The following ABHD13 variants were observed in gnomAD, a reference collection of about 807,000 sequenced individuals.
The protein encoded by ABHD13 is protein ABHD13.
A neutral mutation model predicts 25.2 loss-of-function variants in ABHD13; 7 were observed. That is an observed-to-expected ratio of 0.28 (90% CI 0.16 to 0.52). ABHD13 has a LOEUF of 0.52. Among genes scored for constraint, ABHD13 ranks in the 20% least tolerant of loss-of-function variants. The probability of loss-of-function intolerance (pLI) is 0.96; values close to 1 mark genes in which losing one functional copy is unlikely to be tolerated. For synonymous variants in ABHD13, 133 were observed against 136.1 expected, an observed-to-expected ratio of 0.98 and a Z score of 0.16; for missense variants, 302 against 402.7, an observed-to-expected ratio of 0.75 and a Z score of 2.14.
At chr13:108,222,068 G>C (rs1261025256) in intron 1 of ABHD13, among the ~76,000 whole-genome samples, 1 of 152,006 alleles carries the variant, frequency 6.6e-6, no homozygotes, top group South Asian at 2.1e-4. Context: ...TCAAACTCCT[G>C]AGCTCAGGCA....
chr13:108,222,118 G>A (rs1879581852), intron 1 of ABHD13, among the ~76,000 whole-genome samples: 2 of 152,154 alleles, frequency 1.3e-5, no homozygotes, highest in African/African-American at 4.8e-5. Context: ...AGGATTACAC[G>A]CATGAGCCAC....
At chr13:108,225,051 A>ATT (rs71204862) in intron 1 of ABHD13, among the ~76,000 whole-genome samples, 2 of 151,528 alleles carry the variant, frequency 1.3e-5, no homozygotes, top group African/African-American at 2.4e-5. Flanking sequence ...TCTAAGGTTG[A>ATT]TTTTTTTTTC....
chr13:108,219,739 C>T (rs577755300), intron 1 of ABHD13, among the ~76,000 whole-genome samples: 24 of 152,288 alleles, frequency 1.6e-4, no homozygotes, highest in South Asian at 6.2e-4. Context: ...AGGTTAATTA[C>T]GCTGTAATAG....
intron 1 of ABHD13, among the ~76,000 whole-genome samples, chr13:108,220,687 A>G (rs1390813408): frequency 1.3e-5 from 2 of 152,192 alleles, no homozygotes; most frequent in Non-Finnish European, 2.9e-5. Context: ...ATCCCTTGCA[A>G]AGATGTAGTA....
At chr13:108,222,145 TAC>T (rs1879582667) in intron 1 of ABHD13, among the ~76,000 whole-genome samples, 1 of 152,174 alleles carries the variant, frequency 6.6e-6, no homozygotes, top group African/African-American at 2.4e-5. Flanking sequence ...TGGCCCAATG[TAC>T]ACTTTTTAAT....
At position 108,229,744 on chromosome 13, in the gene ABHD13, G is replaced by T; in HGVS notation, c.526G>T (p.Val176Leu). 6.2e-7 allele frequency: 1 copy of T among 1,613,382 alleles called. No homozygotes were observed. The highest frequency in any genetic ancestry group is 1.1e-5 in the South Asian group (1 of 91,070). The change falls in exon 2 of 2, where the codon GTG (valine) becomes TTG (leucine). Residue 176 changes from valine to leucine, a missense_variant. Physicochemically the swap from Val to Leu is conservative, Grantham distance 32 (BLOSUM62 1). Coordinates refer to ENST00000375898, the MANE Select transcript of ABHD13 (RefSeq NM_032859.3). This position sits in a 1 kb window ranked among gnomAD's most constrained non-coding sequence, Gnocchi z 4.7. ...AGATTCTGAAGCTGTGTTAGACTAC[G>T]TGATGACTAGACCTGACCTTGATAA... ...YLDSEAVLDY[V>L]MTRPDLDKTK...
In ABHD13 at chr13:108,232,368, G is replaced by C. The variant is rs1439364276; in HGVS notation, c.*2136G>C. 1.2e-5 allele frequency: 2 copies of C among 166,890 alleles called. No homozygotes were observed. The highest frequency in any genetic ancestry group is 2.9e-5 in the Non-Finnish European group (2 of 68,014). 10.3% of individuals were successfully genotyped at this position (166,890 alleles called of 1,614,324 possible). A position where few individuals can be genotyped will look rare whatever the true frequency, so the allele number is the denominator to read the frequency against. ...GGGTTAAGGAGCCTTTCTTTCTGCA[G>C]CTAAGGGCAGAGGCTGTGCCTAGGG... On this transcript the variant is annotated 3_prime_UTR_variant, in exon 2 of 2. Transcript: ENST00000375898.
In ABHD13 at chr13:108,229,441, C is replaced by T. The variant is rs777901033; in HGVS notation, c.223C>T (p.Arg75Cys). The T allele has an allele frequency of 2.5e-6, 4 of 1,613,208 alleles. No homozygotes were observed. In the Admixed American group the frequency reaches 5.0e-5, roughly 20 times the overall value. ...TTTTCCAGAACAGCCATCCTCTTCA[C>T]GTCTTTATGTTCCCATGCCCACTGG... Reference protein sequence around the residue: ...LYFPEQPSSSRLYVPMPTGIP... With the variant: ...LYFPEQPSSSCLYVPMPTGIP... The change falls in exon 2 of 2, where the codon CGT becomes TGT. Residue 75 changes from arginine (R) to cysteine (C), a missense_variant. Transcript: ENST00000375898. This position sits in a 1 kb window ranked among gnomAD's most constrained non-coding sequence, Gnocchi z 4.7.
At position 108,230,246 on chromosome 13, in the gene ABHD13, G is replaced by T; in HGVS notation, c.*14G>T. On this transcript the variant is annotated 3_prime_UTR_variant, in exon 2 of 2. Transcript: ENST00000375898. ...ACAATTATATAATGTTTCCCTTTTTGATTATTGCATTGTATTTTAATTTGT... is the reference window on the plus strand; with the variant it reads ...ACAATTATATAATGTTTCCCTTTTTTATTATTGCATTGTATTTTAATTTGT... 6.5e-7 allele frequency: 1 copy of T among 1,540,426 alleles called. No individual in the cohort carries two copies. Among genetic ancestry groups the T allele is most frequent in the South Asian group, 1.2e-5 (1 of 81,260 alleles).
rs1424925355 is a variant in ABHD13 at position 108,230,958 on chromosome 13, T to C, written c.*726T>C. The C allele has an allele frequency of 6.0e-6, 1 of 166,798 alleles. No homozygotes were observed. The highest frequency in any genetic ancestry group is 2.4e-5 in the African/African-American group (1 of 41,420). The allele number at this position is 166,798 out of a possible 1,614,324, so 10.3% of individuals were successfully genotyped here. A position where few individuals can be genotyped will look rare whatever the true frequency, so the allele number is the denominator to read the frequency against. ...TAGGTACAGTCTGGATCATGGCATGTAGAAATAGAAATTTAGAATTTTACT... is the reference window on the plus strand; with the variant it reads ...TAGGTACAGTCTGGATCATGGCATGCAGAAATAGAAATTTAGAATTTTACT... On this transcript the variant is annotated 3_prime_UTR_variant, in exon 2 of 2. Coordinates refer to ENST00000375898, the MANE Select transcript of ABHD13 (RefSeq NM_032859.3).
intron 1 of ABHD13, among the ~76,000 whole-genome samples, chr13:108,221,781 A>G (rs1385959155): frequency 3.3e-5 from 5 of 152,156 alleles, no homozygotes; most frequent in Non-Finnish European, 7.3e-5. Context: ...TGTATTTTTA[A>G]AAGACCATTT....
rs1424169798 is a variant in ABHD13, at chr13:108,231,982, G to C, written c.*1750G>C. 1.2e-5 allele frequency: 2 copies of C among 166,698 alleles called. No homozygotes were observed. Among genetic ancestry groups the C allele is most frequent in the African/African-American group, 2.4e-5 (1 of 41,376 alleles). 10.3% of individuals were successfully genotyped at this position (166,698 alleles called of 1,614,324 possible). On this transcript the variant is annotated 3_prime_UTR_variant, in exon 2 of 2. Transcript: ENST00000375898. ...TTCACCACAATTAAAGATTATTCTT[G>C]TCAGTCCTTGCTATGTAGAATGACT... is the stretch of plus-strand genomic sequence containing the variant.
rs1036706064 is a variant in ABHD13 at position 108,232,690 on chromosome 13, G to A, written c.*2458G>A. The A allele has an allele frequency of 6.0e-6, 1 of 166,744 alleles. No homozygotes were observed. Among genetic ancestry groups the A allele is most frequent in the Non-Finnish European group, 1.5e-5 (1 of 67,992 alleles). 10.3% of individuals were successfully genotyped at this position (166,744 alleles called of 1,614,324 possible). On this transcript the variant is annotated 3_prime_UTR_variant, in exon 2 of 2. Transcript: ENST00000375898. ...TTACAAAAGAACTTTAAGTTATTAAGTTACTATAAATTTGGGGATCCTAGA... is the reference window on the plus strand; with the variant it reads ...TTACAAAAGAACTTTAAGTTATTAAATTACTATAAATTTGGGGATCCTAGA...
chr13:108,229,922 T>C lies in ABHD13; in HGVS notation c.704T>C (p.Met235Thr), dbSNP rs1413828912. The change falls in exon 2 of 2, where the codon ATG becomes ACG. Residue 235 changes from methionine (M) to threonine (T), a missense_variant. Transcript: ENST00000375898. This position sits in a 1 kb window ranked among gnomAD's most constrained non-coding sequence, Gnocchi z 4.7. ...MASTLFSFFP[M>T]RYLPLWCYKN... ...AGCACTTTATTTTCATTCTTTCCGA[T>C]GCGTTACCTTCCTTTATGGTGCTAC... 14 of 1,613,184 alleles carry C rather than the reference T, an allele frequency of 8.7e-6. No homozygotes were observed. In the Admixed American group the frequency reaches 1.2e-4, roughly 13 times the overall value.
At position 108,230,359 on chromosome 13, in the gene ABHD13, GCTC is replaced by G; in HGVS notation, c.*130_*132del. On this transcript the variant is annotated 3_prime_UTR_variant, in exon 2 of 2. Transcript: ENST00000375898. ...CATTAAACTTTGAAAGGACTTCACTGCTCCTTTACGATATTCCAAATAGTTTTT... is the reference window on the plus strand; with the variant it reads ...CATTAAACTTTGAAAGGACTTCACTGCTTTACGATATTCCAAATAGTTTTT... The G allele has an allele frequency of 1.3e-6, 1 of 742,948 alleles. No homozygotes were observed. The highest frequency in any genetic ancestry group is 2.2e-5 in the South Asian group (1 of 44,554). 46.0% of individuals were successfully genotyped at this position (742,948 alleles called of 1,614,324 possible).
chr13:108,230,997 G>A lies in ABHD13; in HGVS notation c.*765G>A, dbSNP rs1019952473. On this transcript the variant is annotated 3_prime_UTR_variant, in exon 2 of 2. Coordinates refer to ENST00000375898, the MANE Select transcript of ABHD13 (RefSeq NM_032859.3). ...TAGAATTTTACTGCAGCTTTGATGT[G>A]CATATTTGAACTTTTTAACATTTGT... 5 of 166,728 alleles carry A rather than the reference G, an allele frequency of 3.0e-5. No homozygotes were observed. The highest frequency in any genetic ancestry group is 9.7e-5 in the African/African-American group (4 of 41,408). The allele number at this position is 166,728 out of a possible 1,614,324, so 10.3% of individuals were successfully genotyped here.
At chr13:108,226,287 CAG>C (rs1333550800) in intron 1 of ABHD13, among the ~76,000 whole-genome samples, 9 of 152,140 alleles carry the variant, frequency 5.9e-5, no homozygotes, top group Admixed American at 5.9e-4. Flanking sequence ...CCACAGGAAA[CAG>C]TGTCTTTTTG....
At position 108,219,556 on chromosome 13, in the gene ABHD13, T is replaced by C. The variant is rs546657657; in HGVS notation, c.-21+897T>C. Among the ~76,000 whole-genome samples, 6 of 152,320 alleles carry C rather than the reference T, an allele frequency of 3.9e-5. No homozygotes were observed. In the South Asian group the frequency reaches 1.2e-3, roughly 32 times the overall value. On this transcript the variant is annotated intron_variant, in intron 1 of 1. Transcript: ENST00000375898. ...AAATTTTATTTTACTGTGTAAGATT[T>C]CTTGATTGCCGATTTAGTGTTAATG... is the stretch of plus-strand genomic sequence containing the variant.
intron 1 of ABHD13, among the ~76,000 whole-genome samples, 188 bp downstream of exon 1, chr13:108,218,847 G>A (rs1879461870): frequency 6.6e-6 from 1 of 152,010 alleles, no homozygotes; most frequent in Non-Finnish European, 1.5e-5. Flanking sequence ...CGGGGGTTGT[G>A]GAGGACCAGC....
Sources: allele counts gnomAD v4.1 joint callset (sites outside exome capture counted in the v4.1 genomes callset), GRCh38; gene constraint gnomAD v4.1.1; non-coding constraint Gnocchi (gnomAD v3.1); transcripts MANE v1.5; gene names NCBI Gene and HGNC (gene_info 2026-07-23, HGNC 2026-07-21).